Variants in SEMA5A observed in about 807,000 individuals in gnomAD.
SEMA5A encodes semaphorin-5A.
In SEMA5A, 55 loss-of-function variants were observed where a neutral mutation model predicts 135.5. The ratio of observed to expected loss-of-function variants is 0.41; its 90% CI spans 0.33 to 0.51. The LOEUF is 0.51. Among genes scored for constraint, SEMA5A ranks in the 20% least tolerant of loss-of-function variants. The pLI, the probability that SEMA5A is intolerant of heterozygous loss-of-function variation, is 0.37. For missense variants in SEMA5A, 1,290 were observed against 1,419.9 expected (o/e 0.91, Z 1.47); for synonymous variants, 580 against 546.5 (o/e 1.06, Z -0.85).
chr5:9,387,978 G>A (rs546693631), intron 2 of SEMA5A, among the ~76,000 whole-genome samples: 2 of 152,144 alleles, frequency 1.3e-5, no homozygotes, highest in Non-Finnish European at 2.9e-5. Flanking sequence ...TCAGCTGAAA[G>A]AAGTTTGTCA....
intron 5 of SEMA5A, among the ~76,000 whole-genome samples, chr5:9,265,240 C>T (rs1213037485): frequency 6.6e-6 from 1 of 152,092 alleles, no homozygotes; most frequent in Non-Finnish European, 1.5e-5. Context: ...GGAGGGTCTC[C>T]AACGGCCTAA....
At chr5:9,253,325 C>A (rs1748899206) in intron 5 of SEMA5A, among the ~76,000 whole-genome samples, 1 of 152,090 alleles carries the variant, frequency 6.6e-6, no homozygotes, top group Admixed American at 6.6e-5. Flanking sequence ...AGCTTTTACT[C>A]AAGGACAGCT....
At chr5:9,323,957 A>G (rs561913555) in intron 4 of SEMA5A, among the ~76,000 whole-genome samples, 24 of 151,904 alleles carry the variant, frequency 1.6e-4, no homozygotes, top group African/African-American at 5.8e-4. Context: ...CCTAAATATT[A>G]GTTTAATAAA....
At chr5:9,455,977 G>T (rs1758819480) in intron 1 of SEMA5A, among the ~76,000 whole-genome samples, 1 of 152,154 alleles carries the variant, frequency 6.6e-6, no homozygotes, top group Non-Finnish European at 1.5e-5. Flanking sequence ...AATGCACAAA[G>T]CACTGAGAGG....
At chr5:9,324,597 C>T (rs1333286904) in intron 4 of SEMA5A, among the ~76,000 whole-genome samples, 2 of 152,118 alleles carry the variant, frequency 1.3e-5, no homozygotes, top group East Asian at 1.9e-4. Flanking sequence ...ACAGCTTGAT[C>T]CATCACAGTT....
intron 1 of SEMA5A, chr5:9,498,453 C>G (rs1286655327): frequency 6.6e-6 from 1 of 152,086 alleles, no homozygotes; most frequent in Non-Finnish European, 1.5e-5. Context: ...AATTTTAATA[C>G]AAATTTCTGG....
intron 18 of SEMA5A, among the ~76,000 whole-genome samples, chr5:9,059,558 TTTTTA>T (rs1377763334): frequency 6.6e-6 from 1 of 152,198 alleles, no homozygotes; most frequent in Non-Finnish European, 1.5e-5. Flanking sequence ...GTTTATTTTA[TTTTTA>T]TTTTGAGACA....
chr5:9,510,169 G>A (rs958527865), intron 1 of SEMA5A, among the ~76,000 whole-genome samples: 14 of 152,282 alleles, frequency 9.2e-5, no homozygotes, highest in Middle Eastern at 3.4e-3. Context: ...CTGGCACAAC[G>A]CCCAGCCCAG....
chr5:9,418,394 A>G (rs937991487), intron 2 of SEMA5A, among the ~76,000 whole-genome samples: 1 of 152,152 alleles, frequency 6.6e-6, no homozygotes, highest in Non-Finnish European at 1.5e-5. Flanking sequence ...ATTTCAACAT[A>G]TGCATTTTGA....
intron 16 of SEMA5A, among the ~76,000 whole-genome samples, chr5:9,082,694 C>A (rs1738456500): frequency 6.6e-6 from 1 of 152,134 alleles, no homozygotes. Flanking sequence ...TAGCATAGAG[C>A]CTGTTCTATA....
chr5:9,060,565 G>A (rs1737130578), intron 18 of SEMA5A, among the ~76,000 whole-genome samples: 1 of 152,012 alleles, frequency 6.6e-6, no homozygotes, highest in Non-Finnish European at 1.5e-5. Context: ...CCTTTTACTG[G>A]GGCTGTGGGA....
chr5:9,338,801 A>G (rs1035363367), intron 3 of SEMA5A, among the ~76,000 whole-genome samples: 3 of 152,160 alleles, frequency 2.0e-5, no homozygotes, highest in Non-Finnish European at 4.4e-5. Flanking sequence ...TGCTAAACAC[A>G]TCAGTGTTAT....
chr5:9,046,826 C>T (rs1030648835), intron 21 of SEMA5A, among the ~76,000 whole-genome samples: 15 of 152,194 alleles, frequency 9.9e-5, no homozygotes, highest in African/African-American at 3.6e-4. Context: ...CTCTCTGACT[C>T]ACTGTCAGGC....
At chr5:9,370,415 CACA>C (rs376639294) in intron 3 of SEMA5A, among the ~76,000 whole-genome samples, 1 of 152,138 alleles carries the variant, frequency 6.6e-6, no homozygotes, top group African/African-American at 2.4e-5. Context: ...TGCTTTAGCA[CACA>C]ACATCACTGT....
rs935166233 is a variant in SEMA5A, at chr5:9,408,673, A to C, written c.-77-28650T>G. On this transcript the variant is annotated intron_variant, in intron 2 of 22. Transcript: ENST00000382496. ...CACAACGGTTACTATTATTATCCTCATTTTTCATATGAAGAAACTGAGGCA... is the reference window on the plus strand; with the variant it reads ...CACAACGGTTACTATTATTATCCTCCTTTTTCATATGAAGAAACTGAGGCA... 2.4e-4 allele frequency among the ~76,000 whole-genome samples: 37 copies of C among 152,176 alleles called. 1 individual carries two copies. Among genetic ancestry groups the C allele is most frequent in the African/African-American group, 8.7e-4 (36 of 41,530 alleles).
At chr5:9,525,455 C>A (rs1458095046) in intron 1 of SEMA5A, among the ~76,000 whole-genome samples, 1 of 152,146 alleles carries the variant, frequency 6.6e-6, no homozygotes, top group African/African-American at 2.4e-5. Flanking sequence ...AAGCTGAATT[C>A]TAATGAAGAA....
intron 16 of SEMA5A, among the ~76,000 whole-genome samples, chr5:9,072,936 T>C (rs986462074): frequency 6.6e-6 from 1 of 152,148 alleles, no homozygotes; most frequent in Non-Finnish European, 1.5e-5. Flanking sequence ...ACAGAATCTG[T>C]AGTCAACAGC....
At chr5:9,151,395 A>T (rs1377613581) in intron 12 of SEMA5A, among the ~76,000 whole-genome samples, 1 of 152,188 alleles carries the variant, frequency 6.6e-6, no homozygotes, top group East Asian at 1.9e-4. Flanking sequence ...AGATTCTATG[A>T]TGGAAAGTAT....
chr5:9,525,634 C>T (rs1737083640), intron 1 of SEMA5A, among the ~76,000 whole-genome samples: 1 of 152,180 alleles, frequency 6.6e-6, no homozygotes, highest in Admixed American at 6.5e-5. Flanking sequence ...GACTTCTGGC[C>T]TCCAGAACTT....
Sources: allele counts gnomAD v4.1 joint callset (sites outside exome capture counted in the v4.1 genomes callset), GRCh38; gene constraint gnomAD v4.1.1; transcripts MANE v1.5; gene names NCBI Gene and HGNC (gene_info 2026-07-23, HGNC 2026-07-21).